NRXN3: variants seen among roughly 807,000 people sequenced by gnomAD.
NRXN3 encodes neurexin 3, also known as neurexin III.
In NRXN3, 32 loss-of-function variants were observed where a neutral mutation model predicts 137.6. The observed-to-expected ratio is 0.23, with a 90% CI of 0.18 to 0.31. The LOEUF (loss-of-function observed/expected upper bound fraction) is 0.31, where lower values mean the gene tolerates loss of function less well. Ranked by LOEUF, NRXN3 falls within the 10% of genes least tolerant of loss-of-function variation. The pLI, the probability that NRXN3 is intolerant of heterozygous loss-of-function variation, is 1.00. For synonymous variants in NRXN3, 798 were observed against 784.5 expected (o/e 1.02, Z -0.29); for missense variants, 1,574 against 2,062.5 (o/e 0.76, Z 4.59).
At chr14:78,989,208 C>G (rs966778037) in intron 15 of NRXN3, among the ~76,000 whole-genome samples, 7 of 152,168 alleles carry the variant, frequency 4.6e-5, no homozygotes, top group Non-Finnish European at 7.4e-5. Context: ...ATGATGTTAT[C>G]TGAGAAAATA....
intron 20 of NRXN3, among the ~76,000 whole-genome samples, chr14:79,817,175 C>G (rs1300736323): frequency 6.6e-6 from 1 of 152,136 alleles, no homozygotes; most frequent in East Asian, 1.9e-4. Flanking sequence ...GCCTCAGCCT[C>G]CTGAGTATCT....
At chr14:79,762,694 G>A (rs2099042738) in intron 19 of NRXN3, among the ~76,000 whole-genome samples, 2 of 151,518 alleles carry the variant, frequency 1.3e-5, no homozygotes, top group East Asian at 3.9e-4. Context: ...ATTAAATGTG[G>A]CAACCCATGG....
chr14:79,280,680 A>T (rs1215038054), intron 15 of NRXN3: 1 of 877,612 alleles, frequency 1.1e-6, no homozygotes, highest in Non-Finnish European at 1.7e-6. Flanking sequence ...TCCATGAGGG[A>T]AGCAAATTTC....
intron 15 of NRXN3, among the ~76,000 whole-genome samples, chr14:79,038,438 T>A (rs1468945806): frequency 6.6e-6 from 1 of 152,092 alleles, no homozygotes; most frequent in Non-Finnish European, 1.5e-5. Flanking sequence ...CAAAAACACA[T>A]ATATTGTTAC....
chr14:79,770,276 A>T (rs1426029254), intron 19 of NRXN3, among the ~76,000 whole-genome samples: 1 of 152,172 alleles, frequency 6.6e-6, no homozygotes, highest in East Asian at 1.9e-4. Flanking sequence ...AAGCGGACCT[A>T]ATAGACATCT....
intron 10 of NRXN3, among the ~76,000 whole-genome samples, chr14:78,816,495 T>C (rs1000102535): frequency 6.6e-5 from 10 of 152,166 alleles, no homozygotes; most frequent in Non-Finnish European, 1.2e-4. Context: ...ATAGGTTTAT[T>C]TTATTCCGTC....
chr14:78,914,121 T>C (rs1416210403), intron 10 of NRXN3, among the ~76,000 whole-genome samples: 2 of 152,122 alleles, frequency 1.3e-5, no homozygotes, highest in Non-Finnish European at 2.9e-5. Flanking sequence ...ATGATTACAG[T>C]TCACACTCTA....
intron 15 of NRXN3, among the ~76,000 whole-genome samples, chr14:79,034,347 C>G (rs1163100593): frequency 9.5e-6 from 1 of 104,780 alleles, no homozygotes; most frequent in African/African-American, 3.6e-5. Flanking sequence ...GTTCTTATTT[C>G]TTACACACAC....
chr14:78,985,418 T>G (rs534102999), intron 14 of NRXN3, among the ~76,000 whole-genome samples: 49 of 152,312 alleles, frequency 3.2e-4, no homozygotes, highest in African/African-American at 1.1e-3. Flanking sequence ...AAACTGAATA[T>G]TATATGCAAA....
intron 15 of NRXN3, among the ~76,000 whole-genome samples, chr14:79,060,887 G>C (rs1160936765): frequency 1.3e-5 from 2 of 151,976 alleles, no homozygotes; most frequent in Admixed American, 6.6e-5. Context: ...TCCCATGGCT[G>C]TTCGCTCTCT....
At chr14:79,022,505 C>A (rs2099591389) in intron 15 of NRXN3, among the ~76,000 whole-genome samples, 1 of 152,118 alleles carries the variant, frequency 6.6e-6, no homozygotes, top group African/African-American at 2.4e-5. Context: ...TTTCTAGTGT[C>A]ATATTATTGG....
chr14:78,320,036 A>T (rs1304066387), intron 4 of NRXN3, among the ~76,000 whole-genome samples: 1 of 152,192 alleles, frequency 6.6e-6, no homozygotes, highest in Non-Finnish European at 1.5e-5. Context: ...GCCAGTGTCT[A>T]TATTGGCTGA....
intron 16 of NRXN3, among the ~76,000 whole-genome samples, chr14:79,600,641 T>C (rs1284046780): frequency 2.5e-4 from 38 of 152,158 alleles, no homozygotes; most frequent in Non-Finnish European, 1.5e-5. Context: ...ACTCTCCAAA[T>C]TCATTTATGG....
chr14:78,593,491 C>G (rs1479933495), intron 4 of NRXN3, among the ~76,000 whole-genome samples: 1 of 152,188 alleles, frequency 6.6e-6, no homozygotes, highest in African/African-American at 2.4e-5. Context: ...GGCTAAGCAC[C>G]CTTGTGACCA....
At position 79,864,075 on chromosome 14, in the gene NRXN3, G is replaced by A. The variant is rs2099416730; in HGVS notation, c.*2111G>A. On this transcript the variant is annotated 3_prime_UTR_variant, in exon 21 of 21. Transcript: ENST00000335750. ...AGCACGATTTTAGATAACCTAAACG[G>A]CCCAGCCTATACGAAGTTGATTATA... 1.3e-5 allele frequency: 2 copies of A among 152,516 alleles called. No individual in the cohort carries two copies. The highest frequency in any genetic ancestry group is 4.1e-4 in the South Asian group (2 of 4,820). 9.4% of individuals were successfully genotyped at this position (152,516 alleles called of 1,614,324 possible). A position where few individuals can be genotyped will look rare whatever the true frequency, so the allele number is the denominator to read the frequency against.
intron 10 of NRXN3, among the ~76,000 whole-genome samples, chr14:78,821,070 C>A (rs113173753): frequency 6.6e-6 from 1 of 152,040 alleles, no homozygotes; most frequent in Non-Finnish European, 1.5e-5. Context: ...ACTCTTTTGT[C>A]CCCTAAATCA....
chr14:78,964,020 C>T (rs532643890), intron 11 of NRXN3, among the ~76,000 whole-genome samples: 22 of 152,154 alleles, frequency 1.4e-4, no homozygotes, highest in African/African-American at 4.8e-4. Context: ...CTTTCTGTCT[C>T]GGCCTCCCAA....
intron 6 of NRXN3, among the ~76,000 whole-genome samples, chr14:78,669,743 A>G (rs1006178439): frequency 6.6e-6 from 1 of 152,166 alleles, no homozygotes; most frequent in Admixed American, 6.5e-5. Flanking sequence ...GTGTCTTTTA[A>G]CATGCTAATA....
At chr14:78,389,511 T>C (rs2090472630) in intron 4 of NRXN3, among the ~76,000 whole-genome samples, 1 of 152,252 alleles carries the variant, frequency 6.6e-6, no homozygotes, top group African/African-American at 2.4e-5. Flanking sequence ...TTATCATTTA[T>C]AATGTGAACT....
Sources: gnomAD v4.1 joint callset for allele counts (sites outside exome capture counted in the v4.1 genomes callset) on GRCh38, gnomAD v4.1.1 for gene constraint, MANE v1.5 for transcripts, NCBI Gene and HGNC (gene_info 2026-07-23, HGNC 2026-07-21) for gene names.